The following TMEM8B variants were observed in gnomAD, a reference collection of about 807,000 sequenced individuals.
TMEM8B encodes the protein transmembrane protein 8B.
In TMEM8B, 29 loss-of-function variants were observed where a neutral mutation model predicts 49.3. The ratio of observed to expected loss-of-function variants is 0.59; its 90% CI spans 0.44 to 0.80. The LOEUF is 0.80. TMEM8B is among the 30% of genes least tolerant of loss of function. The probability of loss-of-function intolerance (pLI) is 0.00; values close to 1 mark genes in which losing one functional copy is unlikely to be tolerated. For synonymous variants in TMEM8B, 264 were observed against 272.8 expected (o/e 0.97, Z 0.32); for missense variants, 575 against 658.5 (o/e 0.87, Z 1.39).
chr9:35,844,425 T>A lies in TMEM8B; in HGVS notation c.1636-1550T>A, dbSNP rs143949665. On this transcript the variant is annotated intron_variant, in intron 6 of 12. Transcript: ENST00000643932. ...GCCAGGGATCCTTTTAACTCTACTA[T>A]CCTCCAGCCCTGAGAGCAGGGACCG... Among the ~76,000 whole-genome samples the A allele has an allele frequency of 1.5e-3, 233 of 152,356 alleles. 1 individual carries two copies. Among genetic ancestry groups the A allele is most frequent in the Middle Eastern group, 3.4e-3 (1 of 294 alleles).
chr9:35,834,713 T>A, intron 2 of TMEM8B, 63 bp downstream of exon 2: 3 of 415,156 alleles, frequency 7.2e-6, no homozygotes, highest in Non-Finnish European at 1.3e-5. Context: ...CAGACTAAAG[T>A]GTGACTTTAA....
rs1832396308 is a variant in TMEM8B at position 35,854,014 on chromosome 9, C to T, written c.*174C>T. The T allele has an allele frequency of 1.5e-6, 2 of 1,338,790 alleles. No individual in the cohort carries two copies. Among genetic ancestry groups the T allele is most frequent in the East Asian group, 5.5e-5 (2 of 36,176 alleles). The allele number at this position is 1,338,790 out of a possible 1,614,324, so 82.9% of individuals were successfully genotyped here. A position where few individuals can be genotyped will look rare whatever the true frequency, so the allele number is the denominator to read the frequency against. ...GCCCTTCCCAGGACATGGAGAACTTCCTGAGGGCCTGGAGTCCCCCTGCAT... is the reference window on the plus strand; with the variant it reads ...GCCCTTCCCAGGACATGGAGAACTTTCTGAGGGCCTGGAGTCCCCCTGCAT... On this transcript the variant is annotated 3_prime_UTR_variant, in exon 13 of 13. Coordinates refer to ENST00000643932, the MANE Select transcript of TMEM8B (RefSeq NM_001042590.4).
Position 35,842,103 on chromosome 9 carries a change from TG to T in TMEM8B, c.1310-288del, listed in dbSNP as rs1831067243. Among the ~76,000 whole-genome samples the T allele has an allele frequency of 6.6e-6, 1 of 152,212 alleles. No homozygotes were observed. Among genetic ancestry groups the T allele is most frequent in the Non-Finnish European group, 1.5e-5 (1 of 68,046 alleles). ...GGGACACTGTCCTTGCCAAAGCCCT[TG>T]CAAGTCAGTGAGACAGCCTCTCATA... On this transcript the variant is annotated intron_variant, in intron 5 of 12. Transcript: ENST00000643932. The surrounding 1 kb of genome is among the most constrained non-coding windows in gnomAD (Gnocchi z 5.6).
In TMEM8B at chr9:35,857,487, G is replaced by A. The variant is rs553926811; in HGVS notation, c.*3647G>A. 1 of 152,282 alleles carries A rather than the reference G, an allele frequency of 6.6e-6. No homozygotes were observed. Among genetic ancestry groups the A allele is most frequent in the Non-Finnish European group, 1.5e-5 (1 of 68,068 alleles). 9.4% of individuals were successfully genotyped at this position (152,282 alleles called of 1,614,324 possible). On this transcript the variant is annotated 3_prime_UTR_variant, in exon 13 of 13. Coordinates refer to ENST00000643932, the MANE Select transcript of TMEM8B (RefSeq NM_001042590.4). ...TACATACAAGGGTGCGAAGACATGG[G>A]GGTGCGGCAGTACAGATAATGTAGC...
rs75765022 is a variant in TMEM8B, at chr9:35,846,752, A to G, written c.1997-65A>G. The G allele has an allele frequency of 5.6e-3, 8,709 of 1,555,600 alleles. 368 individuals are homozygous for G. The African/African-American group carries it at 0.1, about 18-fold the overall frequency. On this transcript the variant is annotated intron_variant, in intron 9 of 12. Coordinates refer to ENST00000643932, the MANE Select transcript of TMEM8B (RefSeq NM_001042590.4). ...GAGCCGGGGTGAGACCACCCTCCACAAGCTGTGGCGTAGGCCCATAGCTGC... is the reference window on the plus strand; with the variant it reads ...GAGCCGGGGTGAGACCACCCTCCACGAGCTGTGGCGTAGGCCCATAGCTGC...
intron 10 of TMEM8B, among the ~76,000 whole-genome samples, chr9:35,851,564 C>A (rs926125615): frequency 3.3e-5 from 5 of 152,210 alleles, no homozygotes; most frequent in African/African-American, 9.6e-5. Flanking sequence ...CCCAAAATAA[C>A]AAGCCCTTTC....
Position 35,845,981 on chromosome 9 carries a change from G to C in TMEM8B, c.1642G>C (p.Val548Leu), listed in dbSNP as rs201093506. The C allele has an allele frequency of 1.6e-4, 258 of 1,613,964 alleles. No individual in the cohort carries two copies. In the East Asian group the frequency reaches 4.5e-3, roughly 28 times the overall value. The change falls in exon 7 of 13, where the codon GTG becomes CTG. Residue 548 changes from valine (V) to leucine (L), a missense_variant. Physicochemically the swap from Val to Leu is conservative, Grantham distance 32. Coordinates refer to ENST00000643932, the MANE Select transcript of TMEM8B (RefSeq NM_001042590.4). ...CCATACCTGCCCTCCCCAGAGCTCC[G>C]TGCGCCAGGAAAACGTGACGGTGTT... The part of the protein sequence containing the change: ...SLELQLNASS[V>L]RQENVTVFGC...
At position 35,860,584 on chromosome 9, in the gene TMEM8B, A is replaced by G. The variant is rs1832632729; in HGVS notation, c.*6744A>G. On this transcript the variant is annotated 3_prime_UTR_variant, in exon 13 of 13. Coordinates refer to ENST00000643932, the MANE Select transcript of TMEM8B (RefSeq NM_001042590.4). ...ACCTAGTGTTCCTTGGGCCATGAAGATCAAATATTTCAGCCCCATAGGATG... is the reference window on the plus strand; with the variant it reads ...ACCTAGTGTTCCTTGGGCCATGAAGGTCAAATATTTCAGCCCCATAGGATG... The G allele has an allele frequency of 6.6e-6, 1 of 152,160 alleles. No homozygotes were observed. Among genetic ancestry groups the G allele is most frequent in the African/African-American group, 2.4e-5 (1 of 41,440 alleles). 9.4% of individuals were successfully genotyped at this position (152,160 alleles called of 1,614,324 possible).
chr9:35,835,019 G>A lies in TMEM8B; in HGVS notation c.707G>A (p.Arg236Gln), dbSNP rs930277892. ...CPDQSVTVYFRSGAPPVINPL... is the reference protein window; with the variant it reads ...CPDQSVTVYFQSGAPPVINPL... ...TAATTCTGGTCCCCCAGGTATTTCC[G>A]GTCCGGGGCACCCCCTGTCATCAAT... Residue 236 changes from arginine (R) to glutamine (Q), a missense_variant, in exon 3 of 13, where the codon CGG becomes CAG. By Grantham distance (43) the Arg-to-Gln change is conservative. Transcript: ENST00000643932. The A allele has an allele frequency of 1.9e-5, 8 of 415,452 alleles. No homozygotes were observed. The highest frequency in any genetic ancestry group is 1.3e-4 in the Admixed American group (3 of 22,720). The allele number at this position is 415,452 out of a possible 1,614,324, so 25.7% of individuals were successfully genotyped here. A position where few individuals can be genotyped will look rare whatever the true frequency, so the allele number is the denominator to read the frequency against.
Position 35,855,483 on chromosome 9 carries a change from TC to T in TMEM8B, c.*1646del, listed in dbSNP as rs1282929983. 2 of 152,174 alleles carry T rather than the reference TC, an allele frequency of 1.3e-5. No homozygotes were observed. The highest frequency in any genetic ancestry group is 3.9e-4 in the East Asian group (2 of 5,184). 9.4% of individuals were successfully genotyped at this position (152,174 alleles called of 1,614,324 possible). On this transcript the variant is annotated 3_prime_UTR_variant, in exon 13 of 13. Transcript: ENST00000643932. ...ATCTCAGCTCACTGCAACCTCTGCC[TC>T]CCGGGTTCAAGTGATTCTCCTGTCT...
Position 35,852,973 on chromosome 9 carries a change from G to A in TMEM8B, c.2322G>A (p.Gln774=). The A allele has an allele frequency of 6.2e-7, 1 of 1,614,182 alleles. No homozygotes were observed. The highest frequency in any genetic ancestry group is 8.5e-7 in the Non-Finnish European group (1 of 1,180,034). Residue 774 remains glutamine, a splice_region_variant and synonymous_variant, in exon 11 of 13, where the codon CAG becomes CAA. Coordinates refer to ENST00000643932, the MANE Select transcript of TMEM8B (RefSeq NM_001042590.4). ...AMARLQPVVK[Q]VLYLLGAMLL... is the part of the protein sequence containing the mutation. ...CTCGTTTACAGCCCGTGGTCAAGCAGGTCAGTCCAGAGTGGGCCCTGGGGA... is the reference window on the plus strand; with the variant it reads ...CTCGTTTACAGCCCGTGGTCAAGCAAGTCAGTCCAGAGTGGGCCCTGGGGA...
At position 35,842,611 on chromosome 9, in the gene TMEM8B, G is replaced by A. The variant is rs765410902; in HGVS notation, c.1529G>A (p.Gly510Asp). The A allele has an allele frequency of 1.2e-6, 2 of 1,614,216 alleles. No homozygotes were observed. The highest frequency in any genetic ancestry group is 1.1e-5 in the South Asian group (1 of 91,088). The stretch of plus-strand genomic sequence containing the variant: ...TCTGTCCACTTCTACATCTTCTTTG[G>A]CCCAAGTGTGGCCCTTCCCCCTGAG... Reference protein sequence around the residue: ...TFSVHFYIFFGPSVALPPERP... With the variant: ...TFSVHFYIFFDPSVALPPERP... The change falls in exon 6 of 13, where the codon GGC becomes GAC. Residue 510 changes from glycine (G) to aspartate (D), a missense_variant. Transcript: ENST00000643932. The surrounding 1 kb of genome is among the most constrained non-coding windows in gnomAD (Gnocchi z 5.6).
chr9:35,846,565 G>T lies in TMEM8B; in HGVS notation c.1950G>T (p.Leu650=). ...GCGGGCCCTACGGCCAGTGCAAGCT[G>T]CTGCGCACACACAATTATCTGTACG... is the stretch of plus-strand genomic sequence containing the variant. ...DDCGPYGQCK[L]LRTHNYLYAA... The change falls in exon 9 of 13, where the codon CTG becomes CTT. Residue 650 remains leucine, a synonymous_variant. Coordinates refer to ENST00000643932, the MANE Select transcript of TMEM8B (RefSeq NM_001042590.4). The T allele has an allele frequency of 6.4e-7, 1 of 1,573,216 alleles. No individual in the cohort carries two copies. Among genetic ancestry groups the T allele is most frequent in the Non-Finnish European group, 8.6e-7 (1 of 1,159,190 alleles).
Position 35,829,237 on chromosome 9 carries a change from T to TCAAGTCGAGGCCGCCGCCGC in TMEM8B, c.-210_-191dup, listed in dbSNP as rs1432773098. On this transcript the variant is annotated 5_prime_UTR_variant, in exon 1 of 13. Transcript: ENST00000643932. Reference sequence around the variant, plus strand: ...CGGGGGGCGGGGCGTCACGCCGACGTCAAGTCGAGGCCGCCGCCGCGGGGC... The same window carrying TCAAGTCGAGGCCGCCGCCGC: ...CGGGGGGCGGGGCGTCACGCCGACGTCAAGTCGAGGCCGCCGCCGCCAAGTCGAGGCCGCCGCCGCGGGGC... 2.3e-5 allele frequency: 8 copies of TCAAGTCGAGGCCGCCGCCGC among 342,486 alleles called. No individual in the cohort carries two copies. Among genetic ancestry groups the TCAAGTCGAGGCCGCCGCCGC allele is most frequent in the Non-Finnish European group, 4.2e-5 (8 of 189,168 alleles). 21.2% of individuals were successfully genotyped at this position (342,486 alleles called of 1,614,324 possible).
At chr9:35,833,876 G>A (rs758525654) in intron 1 of TMEM8B, among the ~76,000 whole-genome samples, 3 of 152,100 alleles carry the variant, frequency 2.0e-5, no homozygotes, top group Admixed American at 6.5e-5. Flanking sequence ...TACAGGCAGC[G>A]CTTGTGAGGC....
chr9:35,836,104 G>A (rs955990377), intron 3 of TMEM8B, among the ~76,000 whole-genome samples: 7 of 152,158 alleles, frequency 4.6e-5, no homozygotes, highest in Non-Finnish European at 1.0e-4. Flanking sequence ...TCAGAAATGG[G>A]GTGAATAGTG....
Position 35,853,128 on chromosome 9 carries a change from T to G in TMEM8B, c.2323-13T>G. ...ACCTGGCCCTAGCCCAGCCCTTGAG[T>G]CTCTTTCTCTAGGTGCTGTATTTGC... is the stretch of plus-strand genomic sequence containing the variant. On this transcript the variant is annotated splice_polypyrimidine_tract_variant and intron_variant, in intron 11 of 12. Transcript: ENST00000643932. The surrounding 1 kb of genome is among the most constrained non-coding windows in gnomAD (Gnocchi z 4.2). 1.9e-6 allele frequency: 3 copies of G among 1,611,952 alleles called. No homozygotes were observed. The highest frequency in any genetic ancestry group is 2.5e-6 in the Non-Finnish European group (3 of 1,178,134).
At chr9:35,832,325 A>G (rs1323523956) in intron 1 of TMEM8B, among the ~76,000 whole-genome samples, 1 of 152,096 alleles carries the variant, frequency 6.6e-6, no homozygotes, top group Non-Finnish European at 1.5e-5. Flanking sequence ...TCTTCTGGAC[A>G]CAGCTCTGGT....
intron 1 of TMEM8B, among the ~76,000 whole-genome samples, chr9:35,831,047 G>T (rs534337680): frequency 7.2e-5 from 11 of 152,316 alleles, no homozygotes; most frequent in East Asian, 1.9e-4. Flanking sequence ...GAACAGCTGG[G>T]GGGTGGAGAA....
Sources: allele counts gnomAD v4.1 joint callset (sites outside exome capture counted in the v4.1 genomes callset), GRCh38; gene constraint gnomAD v4.1.1; non-coding constraint Gnocchi (gnomAD v3.1); transcripts MANE v1.5; gene names NCBI Gene and HGNC (gene_info 2026-07-23, HGNC 2026-07-21).